The following VRK2 variants were observed in gnomAD, a reference collection of about 807,000 sequenced individuals.
The protein encoded by VRK2 is VRK serine/threonine kinase 2.
A neutral mutation model predicts 57.6 loss-of-function variants in VRK2; 60 were observed. The ratio of observed to expected loss-of-function variants is 1.04; its 90% CI spans 0.85 to 1.29. The LOEUF is 1.29. Ranked by LOEUF, VRK2 falls within the 50% of genes most tolerant of loss-of-function variation. The probability of loss-of-function intolerance (pLI) is 0.00; values close to 1 mark genes in which losing one functional copy is unlikely to be tolerated. For missense variants in VRK2, 705 were observed against 588.1 expected (o/e 1.20, Z -2.06); for synonymous variants, 231 against 199.2 (o/e 1.16, Z -1.35).
At chr2:57,930,681 C>G (rs1268371046) in intron 1 of VRK2, among the ~76,000 whole-genome samples, 1 of 152,122 alleles carries the variant, frequency 6.6e-6, no homozygotes, top group African/African-American at 2.4e-5. Flanking sequence ...TACATTAGTT[C>G]TTTGGAATGT....
intron 1 of VRK2, among the ~76,000 whole-genome samples, chr2:57,997,307 T>C (rs141412169): frequency 2.2e-4 from 34 of 152,032 alleles, no homozygotes; most frequent in African/African-American, 8.2e-4. Context: ...GAAAAACATG[T>C]AAATATTACC....
intron 1 of VRK2, among the ~76,000 whole-genome samples, chr2:58,016,435 C>T (rs1673585661): frequency 6.6e-6 from 1 of 152,218 alleles, no homozygotes; most frequent in African/African-American, 2.4e-5. Flanking sequence ...CAACCTCCGC[C>T]TCCCAGGTCT....
chr2:57,981,782 A>G (rs963555879), intron 1 of VRK2, among the ~76,000 whole-genome samples: 1 of 152,056 alleles, frequency 6.6e-6, no homozygotes, highest in African/African-American at 2.4e-5. Context: ...GTAATCTTTC[A>G]GTTGTTAGGC....
intron 8 of VRK2, 42 bp from the exon 9 acceptor site, chr2:58,131,766 T>A: frequency 6.6e-7 from 1 of 1,524,212 alleles, no homozygotes; most frequent in Non-Finnish European, 8.8e-7. Context: ...TCTCAAGGAC[T>A]TGCTTATCCC....
At chr2:57,948,774 T>C (rs186012312) in intron 1 of VRK2, among the ~76,000 whole-genome samples, 55 of 151,850 alleles carry the variant, frequency 3.6e-4, no homozygotes, top group Middle Eastern at 3.4e-3. Flanking sequence ...ACCCCAAAAA[T>C]AGCCATTAAT....
chr2:57,916,636 T>C (rs1670163395), intron 1 of VRK2, among the ~76,000 whole-genome samples: 1 of 152,162 alleles, frequency 6.6e-6, no homozygotes, highest in Non-Finnish European at 1.5e-5. Flanking sequence ...TTGTAATCAC[T>C]AGCCCTATCT....
At chr2:57,923,407 T>C (rs980428078) in intron 1 of VRK2, among the ~76,000 whole-genome samples, 2 of 152,092 alleles carry the variant, frequency 1.3e-5, no homozygotes, top group African/African-American at 4.8e-5. Flanking sequence ...TCCTGTTTTT[T>C]AGATAAAAGT....
chr2:58,006,228 T>C (rs1380219081), intron 1 of VRK2, among the ~76,000 whole-genome samples: 1 of 152,218 alleles, frequency 6.6e-6, no homozygotes, highest in Non-Finnish European at 1.5e-5. Context: ...ATCAGGCGTA[T>C]TGGCATAGAG....
chr2:57,951,302 T>C (rs1671420845), intron 1 of VRK2, among the ~76,000 whole-genome samples: 1 of 152,146 alleles, frequency 6.6e-6, no homozygotes, highest in South Asian at 2.1e-4. Flanking sequence ...GTGACTGAAT[T>C]GCTGCAATCT....
intron 7 of VRK2, among the ~76,000 whole-genome samples, chr2:58,097,388 G>GT (rs1381208440): frequency 6.6e-6 from 1 of 151,128 alleles, no homozygotes; most frequent in Non-Finnish European, 1.5e-5. Context: ...TGTTTTATGT[G>GT]TTTTTTTAAA....
intron 12 of VRK2, among the ~76,000 whole-genome samples, chr2:58,156,735 C>G (rs1245442775): frequency 6.6e-6 from 1 of 152,136 alleles, no homozygotes; most frequent in East Asian, 1.9e-4. Context: ...GAGATTCCAC[C>G]TCCCCCATAT....
At chr2:58,130,736 C>T (rs1012030835) in intron 8 of VRK2, among the ~76,000 whole-genome samples, 1 of 152,132 alleles carries the variant, frequency 6.6e-6, no homozygotes, top group Non-Finnish European at 1.5e-5. Flanking sequence ...CAGCCACTTA[C>T]TGCTCTTAGG....
chr2:58,137,030 TATATATC>T (rs1488487657), intron 10 of VRK2, among the ~76,000 whole-genome samples: 1 of 130,942 alleles, frequency 7.6e-6, no homozygotes, highest in Non-Finnish European at 1.5e-5. Flanking sequence ...CATATGTGTA[TATATATC>T]ATATATAATA....
At chr2:58,140,940 T>C (rs1014752952) in intron 11 of VRK2, among the ~76,000 whole-genome samples, 5 of 152,060 alleles carry the variant, frequency 3.3e-5, no homozygotes, top group African/African-American at 1.2e-4. Context: ...AGTGAGAATA[T>C]GTAATTTTTT....
At chr2:57,982,989 A>G (rs1313203895) in intron 1 of VRK2, among the ~76,000 whole-genome samples, 2 of 152,190 alleles carry the variant, frequency 1.3e-5, no homozygotes, top group African/African-American at 4.8e-5. Context: ...TCCATGGACC[A>G]CGCCACACTT....
intron 1 of VRK2, among the ~76,000 whole-genome samples, chr2:58,006,467 C>T (rs1045786756): frequency 5.9e-5 from 9 of 152,110 alleles, no homozygotes; most frequent in South Asian, 2.1e-4. Context: ...TATATTGGAA[C>T]GGTCTAGAAG....
Position 57,922,935 on chromosome 2 carries a change from A to G in VRK2, c.-439+15096A>G, listed in dbSNP as rs116969405. On this transcript the variant is annotated intron_variant, in intron 1 of 15. Transcript: ENST00000417641. ...ATATCTCCATGAGTTCAATTGTTTTAATTTTTAGTTTTCACAAATAAGTGA... is the reference window on the plus strand; with the variant it reads ...ATATCTCCATGAGTTCAATTGTTTTGATTTTTAGTTTTCACAAATAAGTGA... Among the ~76,000 whole-genome samples, 500 of 151,956 alleles carry G rather than the reference A, an allele frequency of 3.3e-3. 6 individuals carry two copies. The highest frequency in any genetic ancestry group is 0.024 in the Admixed American group (363 of 15,234).
upstream of VRK2, among the ~76,000 whole-genome samples, chr2:58,042,587 T>C (rs1674503080): frequency 6.6e-6 from 1 of 152,248 alleles, no homozygotes; most frequent in Non-Finnish European, 1.5e-5. Flanking sequence ...TGAAATGATC[T>C]TGGCCTTGTA....
chr2:58,089,777 A>T, intron 7 of VRK2, 54 bp downstream of exon 7: 1 of 1,288,008 alleles, frequency 7.8e-7, no homozygotes, highest in Non-Finnish European at 1.1e-6. Context: ...AAACTGAAAC[A>T]TTCAGAAAAC....
Sources: allele counts gnomAD v4.1 joint callset (sites outside exome capture counted in the v4.1 genomes callset), GRCh38; gene constraint gnomAD v4.1.1; transcripts MANE v1.5; gene names NCBI Gene and HGNC (gene_info 2026-07-23, HGNC 2026-07-21).